The following LGSN variants were observed in gnomAD, a reference collection of about 807,000 sequenced individuals.
LGSN encodes lengsin, lens protein with glutamine synthetase domain, also known as lengsin.
In LGSN, 21 loss-of-function variants were observed where a neutral mutation model predicts 19.5. The observed-to-expected ratio is 1.07, with a 90% CI of 0.76 to 1.55. The LOEUF (loss-of-function observed/expected upper bound fraction) is 1.55, where lower values mean the gene tolerates loss of function less well. Among genes scored for constraint, LGSN ranks in the 40% most tolerant of loss-of-function variants. LGSN has a pLI of 0.00. For missense variants in LGSN, 673 were observed against 608.5 expected, an observed-to-expected ratio of 1.11 and a Z score of -1.12; for synonymous variants, 257 against 215.6, an observed-to-expected ratio of 1.19 and a Z score of -1.68.
chr6:63,451,784 TA>T, the LGSN span, among the ~76,000 whole-genome samples: 106 of 152,182 alleles, frequency 7.0e-4, no homozygotes, highest in Middle Eastern at 3.4e-3. Context: ...AAAAGTAACA[TA>T]AAAAATGCAT....
At chr6:63,398,264 A>G in the LGSN span, among the ~76,000 whole-genome samples, 1 of 150,602 alleles carries the variant, frequency 6.6e-6, no homozygotes. Context: ...GTCCTTCAGG[A>G]GGTATTCCAG....
chr6:63,328,715 G>A, the LGSN span, among the ~76,000 whole-genome samples: 4 of 152,326 alleles, frequency 2.6e-5, no homozygotes, highest in South Asian at 8.3e-4. Context: ...GTTCTGTCCT[G>A]TAGGAAGGCT....
At chr6:63,518,271 T>C in the LGSN span, among the ~76,000 whole-genome samples, 4 of 152,216 alleles carry the variant, frequency 2.6e-5, no homozygotes, top group East Asian at 7.7e-4. Flanking sequence ...TAGATTGCTA[T>C]TTTGCTTTCC....
the LGSN span, among the ~76,000 whole-genome samples, chr6:63,399,457 T>A: frequency 4.1e-5 from 6 of 146,544 alleles, no homozygotes; most frequent in African/African-American, 1.5e-4. Flanking sequence ...TGCAGTGGCA[T>A]GATCTTGGCT....
the LGSN span, among the ~76,000 whole-genome samples, chr6:63,421,290 C>T: frequency 6.6e-6 from 1 of 152,058 alleles, no homozygotes; most frequent in Non-Finnish European, 1.5e-5. Flanking sequence ...GGCGTGATGG[C>T]ACACACCTGT....
chr6:63,531,127 T>A, the LGSN span, among the ~76,000 whole-genome samples: 1 of 152,166 alleles, frequency 6.6e-6, no homozygotes, highest in African/African-American at 2.4e-5. Context: ...GTCTCCAAAG[T>A]CCTCTCAGTT....
At chr6:63,307,702 T>C (rs1768450338) in intron 1 of LGSN, among the ~76,000 whole-genome samples, 1 of 152,130 alleles carries the variant, frequency 6.6e-6, no homozygotes, top group African/African-American at 2.4e-5. Flanking sequence ...TAAACAGAGG[T>C]CAGCCACAAA....
chr6:63,357,524 C>T, the LGSN span, among the ~76,000 whole-genome samples: 17 of 152,198 alleles, frequency 1.1e-4, no homozygotes, highest in African/African-American at 4.8e-5. Context: ...GATCGCCATT[C>T]TAACTAGTGT....
chr6:63,354,150 A>G, the LGSN span, among the ~76,000 whole-genome samples: 2 of 152,148 alleles, frequency 1.3e-5, no homozygotes, highest in Non-Finnish European at 2.9e-5. Context: ...CAATGGTACC[A>G]TATTAAACTA....
At chr6:63,331,404 C>T in the LGSN span, among the ~76,000 whole-genome samples, 1 of 152,034 alleles carries the variant, frequency 6.6e-6, no homozygotes, top group Non-Finnish European at 1.5e-5. Flanking sequence ...GGGGCCAAGC[C>T]GTAGTGCAGA....
the LGSN span, among the ~76,000 whole-genome samples, chr6:63,507,534 C>T: frequency 3.3e-5 from 5 of 152,156 alleles, no homozygotes; most frequent in Middle Eastern, 3.4e-3. Flanking sequence ...TGCATAGTCA[C>T]CTGGTGTTCC....
the LGSN span, among the ~76,000 whole-genome samples, chr6:63,391,934 TAA>T: frequency 6.6e-6 from 1 of 152,192 alleles, no homozygotes; most frequent in Non-Finnish European, 1.5e-5. Flanking sequence ...CTCTCCAGTA[TAA>T]GTCTTCTTTT....
the LGSN span, among the ~76,000 whole-genome samples, chr6:63,332,569 A>C: frequency 1.3e-5 from 2 of 152,132 alleles, no homozygotes; most frequent in African/African-American, 4.8e-5. Flanking sequence ...CCCAACTCCA[A>C]AGAGTTGGGG....
At chr6:63,459,778 G>A in the LGSN span, among the ~76,000 whole-genome samples, 2 of 152,080 alleles carry the variant, frequency 1.3e-5, no homozygotes, top group South Asian at 2.1e-4. Flanking sequence ...GCCAGGCGTG[G>A]TTGTGGGTTC....
At chr6:63,402,589 G>A in the LGSN span, among the ~76,000 whole-genome samples, 3 of 152,164 alleles carry the variant, frequency 2.0e-5, no homozygotes, top group Non-Finnish European at 2.9e-5. Flanking sequence ...CCTGCCTGGT[G>A]ATTTTCAGGC....
At chr6:63,378,515 T>C in the LGSN span, among the ~76,000 whole-genome samples, 9 of 152,184 alleles carry the variant, frequency 5.9e-5, no homozygotes, top group Non-Finnish European at 1.3e-4. Flanking sequence ...CTGAGTAATT[T>C]ATAAAGAAAA....
At chr6:63,285,416 C>G (rs1767485480) in intron 3 of LGSN, among the ~76,000 whole-genome samples, 171 bp downstream of exon 3, 1 of 152,108 alleles carries the variant, frequency 6.6e-6, no homozygotes, top group Admixed American at 6.5e-5. Context: ...TGTTTAGCTC[C>G]TTGGGGAGCA....
the LGSN span, among the ~76,000 whole-genome samples, chr6:63,555,841 G>A: frequency 6.6e-6 from 1 of 151,778 alleles, no homozygotes; most frequent in Non-Finnish European, 1.5e-5. Flanking sequence ...TTACAGGTGT[G>A]TACCAGAATA....
chr6:63,285,545 T>C (rs1767491170), intron 3 of LGSN, 42 bp downstream of exon 3: 4 of 1,490,492 alleles, frequency 2.7e-6, no homozygotes, highest in African/African-American at 2.8e-5. Flanking sequence ...TGCTTGCTAA[T>C]GGTCATGAAA....
Sources: gnomAD v4.1 joint callset for allele counts (sites outside exome capture counted in the v4.1 genomes callset) on GRCh38, gnomAD v4.1.1 for gene constraint, MANE v1.5 for transcripts, NCBI Gene and HGNC (gene_info 2026-07-23, HGNC 2026-07-21) for gene names.